TRPM3: variants seen among roughly 807,000 people sequenced by gnomAD.
TRPM3 encodes the protein transient receptor potential cation channel subfamily M member 3, also known as long transient receptor potential channel 3.
Under a neutral mutation model 181.2 loss-of-function variants are expected in TRPM3, and 77 were observed. The ratio of observed to expected loss-of-function variants is 0.42; its 90% CI spans 0.35 to 0.51. TRPM3 has a LOEUF of 0.51. TRPM3 is among the 20% of genes least tolerant of loss of function. The probability of loss-of-function intolerance (pLI) is 0.01; values close to 1 mark genes in which losing one functional copy is unlikely to be tolerated. For missense variants in TRPM3, 1,759 were observed against 2,196.7 expected (o/e 0.80, Z 3.98); for synonymous variants, 745 against 796.4 (o/e 0.94, Z 1.09).
chr9:70,660,336 G>T lies in TRPM3; in HGVS notation c.1346-19676C>A, dbSNP rs1479518976. Among the ~76,000 whole-genome samples the T allele has an allele frequency of 2.6e-5, 4 of 152,192 alleles. No individual in the cohort carries two copies. The East Asian group carries it at 7.7e-4, about 29-fold the overall frequency. ...ATATCTGATTACCTCCTTTGGAGAG[G>T]CTAATCAGAAACTCAAAAGAATGCA... On this transcript the variant is annotated intron_variant, in intron 9 of 25. Transcript: ENST00000677713.
intron 5 of TRPM3, among the ~76,000 whole-genome samples, chr9:70,830,334 A>G (rs999275048): frequency 6.6e-6 from 1 of 152,252 alleles, no homozygotes; most frequent in African/African-American, 2.4e-5. Flanking sequence ...TATATTCTAT[A>G]TACAGTATCT....
intron 1 of TRPM3, among the ~76,000 whole-genome samples, chr9:71,063,720 G>C (rs1468267207): frequency 6.6e-6 from 1 of 152,098 alleles, no homozygotes; most frequent in Non-Finnish European, 1.5e-5. Flanking sequence ...GCAAGATAAA[G>C]CTGGAAATGT....
At chr9:70,776,483 T>C (rs1375194795) in intron 7 of TRPM3, 1 of 653,760 alleles carries the variant, frequency 1.5e-6, no homozygotes, top group South Asian at 1.6e-5. Context: ...GTTATATATT[T>C]TGAGCTAGTC....
chr9:71,300,048 C>T (rs573404634), intron 1 of TRPM3, among the ~76,000 whole-genome samples: 3 of 152,092 alleles, frequency 2.0e-5, no homozygotes, highest in Non-Finnish European at 2.9e-5. Context: ...AATAGGATTT[C>T]GAATTGACAA....
chr9:70,690,964 G>GTT (rs2068366311), intron 8 of TRPM3, among the ~76,000 whole-genome samples: 1 of 152,106 alleles, frequency 6.6e-6, no homozygotes, highest in Non-Finnish European at 1.5e-5. Context: ...AATTCTTAAT[G>GTT]TTAACATTTT....
At chr9:71,107,062 C>A (rs1202567990) in intron 1 of TRPM3, among the ~76,000 whole-genome samples, 1 of 152,100 alleles carries the variant, frequency 6.6e-6, no homozygotes, top group African/African-American at 2.4e-5. Flanking sequence ...GGCCACATTG[C>A]ACTTCAACTT....
rs1032310270 is a variant in TRPM3, at chr9:70,598,813, G to C, written c.2797-143C>G. ...ACTTAAATACTTGCATGCTGTAAAAGTCCGACTGAGCTAAGCTTAGGTGAT... is the reference window on the plus strand; with the variant it reads ...ACTTAAATACTTGCATGCTGTAAAACTCCGACTGAGCTAAGCTTAGGTGAT... On this transcript the variant is annotated intron_variant, in intron 20 of 25. Transcript: ENST00000677713. 1.0e-5 allele frequency: 10 copies of C among 965,402 alleles called. No homozygotes were observed. The East Asian group carries it at 1.2e-4, about 12-fold the overall frequency. The allele number at this position is 965,402 out of a possible 1,614,324, so 59.8% of individuals were successfully genotyped here. A position where few individuals can be genotyped will look rare whatever the true frequency, so the allele number is the denominator to read the frequency against.
At chr9:70,988,374 G>A (rs1273861409) in intron 1 of TRPM3, among the ~76,000 whole-genome samples, 3 of 152,130 alleles carry the variant, frequency 2.0e-5, no homozygotes, top group Non-Finnish European at 4.4e-5. Context: ...TGTCTCACCT[G>A]TAAAATGGAA....
chr9:70,627,195 C>T (rs559179626), intron 12 of TRPM3, among the ~76,000 whole-genome samples: 2 of 151,242 alleles, frequency 1.3e-5, no homozygotes, highest in Non-Finnish European at 1.5e-5. Context: ...CAGTGGCTAT[C>T]CTCAATGGAG....
At chr9:71,144,141 G>A (rs1308014373) in intron 1 of TRPM3, among the ~76,000 whole-genome samples, 2 of 151,942 alleles carry the variant, frequency 1.3e-5, no homozygotes, top group Non-Finnish European at 2.9e-5. Flanking sequence ...CTTACATTGT[G>A]GCCAAAACTA....
At chr9:70,658,197 C>T (rs1433732530) in intron 9 of TRPM3, among the ~76,000 whole-genome samples, 1 of 152,116 alleles carries the variant, frequency 6.6e-6, no homozygotes, top group African/African-American at 2.4e-5. Context: ...TCTCCTGTCC[C>T]AAAGAATGAA....
chr9:70,784,678 C>G (rs1277038803), intron 6 of TRPM3, among the ~76,000 whole-genome samples: 1 of 152,138 alleles, frequency 6.6e-6, no homozygotes, highest in Non-Finnish European at 1.5e-5. Context: ...GAGTCTGTTT[C>G]CTATATGAAA....
chr9:70,634,505 C>T (rs1281069555), intron 12 of TRPM3, among the ~76,000 whole-genome samples: 1 of 152,120 alleles, frequency 6.6e-6, no homozygotes, highest in Non-Finnish European at 1.5e-5. Flanking sequence ...TGCTGTGCAC[C>T]TAGTCATCAC....
At chr9:71,302,043 T>TG (rs1304370513) in intron 1 of TRPM3, among the ~76,000 whole-genome samples, 1 of 152,114 alleles carries the variant, frequency 6.6e-6, no homozygotes, top group Admixed American at 6.6e-5. Flanking sequence ...TCCATAGCTT[T>TG]GGGAATAATA....
At chr9:70,754,244 T>G (rs551203568) in intron 8 of TRPM3, among the ~76,000 whole-genome samples, 73 of 152,262 alleles carry the variant, frequency 4.8e-4, no homozygotes, top group African/African-American at 1.6e-3. Flanking sequence ...CTGTGTCCCC[T>G]TTTCCTGGTC....
At chr9:71,081,967 T>A (rs2064425814) in intron 1 of TRPM3, among the ~76,000 whole-genome samples, 1 of 152,062 alleles carries the variant, frequency 6.6e-6, no homozygotes, top group Non-Finnish European at 1.5e-5. Context: ...TTATTTTATT[T>A]TTTTACTAGC....
At chr9:71,442,187 A>G (rs1456384012) in intron 1 of TRPM3, among the ~76,000 whole-genome samples, 2 of 152,168 alleles carry the variant, frequency 1.3e-5, no homozygotes, top group Non-Finnish European at 2.9e-5. Context: ...TCAGTTGCCC[A>G]CTTGTCTGCA....
rs10117772 is a variant in TRPM3, at chr9:70,880,287, T to C, written c.178-15776A>G. 7.3e-3 allele frequency among the ~76,000 whole-genome samples: 1,115 copies of C among 152,206 alleles called. 11 individuals are homozygous for C. The highest frequency in any genetic ancestry group is 0.025 in the African/African-American group (1,057 of 41,544). ...ACAGTATAATTGCCCATCAATTATG[T>C]TTTCCCACTGAATTTAGATCACATG... On this transcript the variant is annotated intron_variant, in intron 1 of 25. Coordinates refer to ENST00000677713, the MANE Select transcript of TRPM3 (RefSeq NM_001366145.2).
At chr9:71,346,663 G>A (rs150706073) in intron 1 of TRPM3, among the ~76,000 whole-genome samples, 1 of 152,202 alleles carries the variant, frequency 6.6e-6, no homozygotes. Flanking sequence ...AAAGAGGTTA[G>A]CCTCAGATAA....
Sources: gnomAD v4.1 joint callset for allele counts (sites outside exome capture counted in the v4.1 genomes callset) on GRCh38, gnomAD v4.1.1 for gene constraint, MANE v1.5 for transcripts, NCBI Gene and HGNC (gene_info 2026-07-23, HGNC 2026-07-21) for gene names.